The following SH3GL2 variants were observed in gnomAD, a reference collection of about 807,000 sequenced individuals.
SH3GL2 encodes endophilin-A1.
In SH3GL2, 24 loss-of-function variants were observed where a neutral mutation model predicts 46.0. The ratio of observed to expected loss-of-function variants is 0.52; its 90% CI spans 0.38 to 0.73. The LOEUF is 0.73. Ranked by LOEUF, SH3GL2 falls within the 30% of genes least tolerant of loss-of-function variation. SH3GL2 has a pLI of 0.00. For missense variants in SH3GL2, 413 were observed against 424.2 expected (o/e 0.97, Z 0.23); for synonymous variants, 196 against 147.1 (o/e 1.33, Z -2.40).
intron 2 of SH3GL2, among the ~76,000 whole-genome samples, chr9:17,758,967 T>C (rs150138403): frequency 4.6e-4 from 70 of 152,284 alleles, no homozygotes; most frequent in African/African-American, 1.6e-3. Context: ...AATCTAATAT[T>C]GGTATCCCCA....
intron 3 of SH3GL2, among the ~76,000 whole-genome samples, chr9:17,766,401 G>T (rs921806365): frequency 1.3e-5 from 2 of 152,222 alleles, no homozygotes; most frequent in Admixed American, 1.3e-4. Context: ...TCTACTGGTT[G>T]TAAGTGCCTA....
intron 2 of SH3GL2, among the ~76,000 whole-genome samples, chr9:17,761,027 T>G (rs986794169): frequency 6.6e-6 from 1 of 152,180 alleles, no homozygotes; most frequent in Non-Finnish European, 1.5e-5. Context: ...AATAAAAAGC[T>G]CCCCACTTCT....
intron 1 of SH3GL2, among the ~76,000 whole-genome samples, chr9:17,692,981 A>G (rs1821120393): frequency 6.6e-6 from 1 of 152,136 alleles, no homozygotes. Flanking sequence ...GAGACCAGCT[A>G]TTCAGTTACC....
At chr9:17,772,525 C>T (rs1297906342) in intron 3 of SH3GL2, among the ~76,000 whole-genome samples, 8 of 152,140 alleles carry the variant, frequency 5.3e-5, no homozygotes, top group African/African-American at 1.9e-4. Context: ...CGCTGGCTAC[C>T]ACCATTCTAC....
chr9:17,676,306 T>G (rs1477490370), intron 1 of SH3GL2, among the ~76,000 whole-genome samples: 1 of 152,158 alleles, frequency 6.6e-6, no homozygotes, highest in East Asian at 1.9e-4. Context: ...TTGCTCAGAC[T>G]GTAAAAAGTA....
chr9:17,668,919 G>A (rs1228869220), intron 1 of SH3GL2, among the ~76,000 whole-genome samples: 1 of 152,168 alleles, frequency 6.6e-6, no homozygotes, highest in Non-Finnish European at 1.5e-5. Context: ...TGGCATCCGA[G>A]AGGGCTGGGA....
intron 3 of SH3GL2, among the ~76,000 whole-genome samples, chr9:17,762,478 A>G (rs1823206805): frequency 6.6e-6 from 1 of 151,386 alleles, no homozygotes; most frequent in South Asian, 2.1e-4. Context: ...CTCCTTTTCT[A>G]TGCCCCCTGC....
intron 1 of SH3GL2, among the ~76,000 whole-genome samples, chr9:17,587,810 TG>T (rs1818409022): frequency 6.6e-6 from 1 of 151,752 alleles, no homozygotes; most frequent in Non-Finnish European, 1.5e-5. Flanking sequence ...TGCTTGAACC[TG>T]GGAGGCAGAG....
chr9:17,676,388 A>G (rs796650483), intron 1 of SH3GL2, among the ~76,000 whole-genome samples: 7 of 152,234 alleles, frequency 4.6e-5, no homozygotes, highest in African/African-American at 1.7e-4. Flanking sequence ...GGTAGATCAT[A>G]TGAGGTTAGG....
At chr9:17,730,251 G>C (rs1197656135) in intron 1 of SH3GL2, among the ~76,000 whole-genome samples, 1 of 151,834 alleles carries the variant, frequency 6.6e-6, no homozygotes, top group Non-Finnish European at 1.5e-5. Context: ...CTCATGATTG[G>C]GCTCACTGTC....
rs185063423 is a variant in SH3GL2 at position 17,587,385 on chromosome 9, C to T, written c.45+8098C>T. Among the ~76,000 whole-genome samples, 3 of 152,196 alleles carry T rather than the reference C, an allele frequency of 2.0e-5. No homozygotes were observed. The East Asian group carries it at 5.8e-4, about 29-fold the overall frequency. On this transcript the variant is annotated intron_variant, in intron 1 of 8. Transcript: ENST00000380607. ...AGTTCCTTGGTTTTACAATCTGGCT[C>T]TGCAATCTGGGAAGAACTCTTGTTC...
intron 1 of SH3GL2, among the ~76,000 whole-genome samples, chr9:17,675,396 C>T (rs915980452): frequency 3.9e-5 from 6 of 152,248 alleles, no homozygotes; most frequent in Middle Eastern, 3.4e-3. Context: ...TAAAGTAGTG[C>T]TGTGAACTGA....
At chr9:17,662,331 AT>A (rs1344721822) in intron 1 of SH3GL2, among the ~76,000 whole-genome samples, 1 of 152,204 alleles carries the variant, frequency 6.6e-6, no homozygotes, top group African/African-American at 2.4e-5. Context: ...TCAGCATAGT[AT>A]AGAAGGAATG....
intron 1 of SH3GL2, among the ~76,000 whole-genome samples, chr9:17,694,889 G>T (rs903743105): frequency 1.1e-4 from 16 of 152,170 alleles, no homozygotes; most frequent in African/African-American, 2.4e-4. Context: ...TATTTTTTCT[G>T]TAGGGAATGG....
At chr9:17,676,728 G>C (rs1358929271) in intron 1 of SH3GL2, among the ~76,000 whole-genome samples, 1 of 152,156 alleles carries the variant, frequency 6.6e-6, no homozygotes, top group Middle Eastern at 3.2e-3. Flanking sequence ...TCACAACTCA[G>C]TTTTGCCCTC....
chr9:17,626,572 G>C (rs528010429), intron 1 of SH3GL2, among the ~76,000 whole-genome samples: 2 of 152,290 alleles, frequency 1.3e-5, no homozygotes, highest in African/African-American at 4.8e-5. Context: ...GTCTAGTGCA[G>C]TTACTTTAAG....
rs181157312 is a variant in SH3GL2 at position 17,775,337 on chromosome 9, G to A, written c.188-11044G>A. Among the ~76,000 whole-genome samples the A allele has an allele frequency of 1.3e-4, 20 of 152,190 alleles. No homozygotes were observed. In the East Asian group the frequency reaches 1.7e-3, roughly 13 times the overall value. On this transcript the variant is annotated intron_variant, in intron 3 of 8. Transcript: ENST00000380607. ...TGGTTGCCATTTCAACGAAATAGCC[G>A]TCAACTGTAATTTTCTCCAAAAGTG... is the stretch of plus-strand genomic sequence containing the variant.
intron 1 of SH3GL2, among the ~76,000 whole-genome samples, chr9:17,607,956 A>G (rs1459522417): frequency 2.0e-5 from 3 of 152,180 alleles, no homozygotes; most frequent in Admixed American, 6.5e-5. Context: ...GGTGCTAGGC[A>G]TACAATTATA....
intron 1 of SH3GL2, among the ~76,000 whole-genome samples, chr9:17,679,034 G>C (rs1206601738): frequency 6.6e-6 from 1 of 152,056 alleles, no homozygotes; most frequent in Non-Finnish European, 1.5e-5. Context: ...GGTTACTGTA[G>C]CCTTGTAGTA....
Sources: allele counts gnomAD v4.1 joint callset (sites outside exome capture counted in the v4.1 genomes callset), GRCh38; gene constraint gnomAD v4.1.1; transcripts MANE v1.5; gene names NCBI Gene and HGNC (gene_info 2026-07-23, HGNC 2026-07-21).